Variants in C13orf46 observed in about 807,000 individuals in gnomAD.
C13orf46 encodes the protein chromosome 13 open reading frame 46.
At chr13:113,943,937 C>G in the C13orf46 span, among the ~76,000 whole-genome samples, 5 of 152,174 alleles carry the variant, frequency 3.3e-5, no homozygotes, top group Non-Finnish European at 5.9e-5. Context: ...TCATCGTGGG[C>G]AGGTTTGGTC....
At chr13:113,971,090 T>C (rs1446530420) in intron 1 of C13orf46, among the ~76,000 whole-genome samples, 1 of 152,236 alleles carries the variant, frequency 6.6e-6, no homozygotes, top group Non-Finnish European at 1.5e-5. Context: ...CAGGAGAGCC[T>C]TGGAGTGAGC....
the C13orf46 span, among the ~76,000 whole-genome samples, chr13:113,930,182 A>G: frequency 6.6e-6 from 1 of 152,316 alleles, no homozygotes; most frequent in South Asian, 2.1e-4. Flanking sequence ...CTGTGCCTGG[A>G]GAGAAGCGCC....
chr13:113,935,841 C>T, the C13orf46 span, among the ~76,000 whole-genome samples: 31 of 152,364 alleles, frequency 2.0e-4, no homozygotes, highest in East Asian at 5.0e-3. Context: ...AGCCCTGTGC[C>T]CCCAGGGGCC....
chr13:113,965,886 A>G (rs1309870919), intron 5 of C13orf46, among the ~76,000 whole-genome samples: 213 of 99,312 alleles, frequency 2.1e-3, no homozygotes, highest in Middle Eastern at 0.019. Flanking sequence ...TGATGGTGGT[A>G]ATGGTGATGG....
rs1472188072 is a variant in C13orf46, at chr13:113,963,571, G to A, written c.572+1356C>T. Among the ~76,000 whole-genome samples the A allele has an allele frequency of 5.0e-5, 6 of 120,836 alleles. No individual in the cohort carries two copies. The South Asian group carries it at 1.1e-3, about 23-fold the overall frequency. The allele number at this position is 120,836 out of a possible 152,430, so 79.3% of individuals were successfully genotyped here. A position where few individuals can be genotyped will look rare whatever the true frequency, so the allele number is the denominator to read the frequency against. ...AGCCCTCGCTCCAGTCCTCAGCCTCGCCCCTGTCCTCAGCCTCGGCCCCTG... is the reference window on the plus strand; with the variant it reads ...AGCCCTCGCTCCAGTCCTCAGCCTCACCCCTGTCCTCAGCCTCGGCCCCTG... On this transcript the variant is annotated intron_variant, in intron 6 of 6. Coordinates refer to ENST00000636427, the MANE Select transcript of C13orf46 (RefSeq NM_001365455.2).
At chr13:113,945,664 GAAA>G in the C13orf46 span, among the ~76,000 whole-genome samples, 407 of 135,092 alleles carry the variant, frequency 3.0e-3, 5 homozygotes, top group African/African-American at 0.01. Flanking sequence ...AAGAAAGAAA[GAAA>G]GAAAGGAAAG....
the C13orf46 span, among the ~76,000 whole-genome samples, chr13:113,946,904 C>T: frequency 9.9e-5 from 15 of 152,232 alleles, no homozygotes; most frequent in African/African-American, 2.9e-4. Context: ...CCCACAGCGG[C>T]GATAGGAGAG....
chr13:113,935,475 G>A, the C13orf46 span, among the ~76,000 whole-genome samples: 1 of 152,260 alleles, frequency 6.6e-6, no homozygotes, highest in Admixed American at 6.5e-5. Context: ...GCGGGGCTGA[G>A]CTGGGCTGAG....
At chr13:113,951,764 T>G (rs2052489660), downstream of C13orf46, among the ~76,000 whole-genome samples, 1 of 152,244 alleles carries the variant, frequency 6.6e-6, no homozygotes, top group South Asian at 2.1e-4. Context: ...TGGTTGCCTT[T>G]TTTGCGAAAC....
At chr13:113,932,811 A>G in the C13orf46 span, among the ~76,000 whole-genome samples, 1 of 152,100 alleles carries the variant, frequency 6.6e-6, no homozygotes, top group Non-Finnish European at 1.5e-5. Flanking sequence ...ATTTTATCTT[A>G]TCTTCTTCTT....
At chr13:113,944,454 G>A in the C13orf46 span, among the ~76,000 whole-genome samples, 7 of 152,344 alleles carry the variant, frequency 4.6e-5, no homozygotes, top group East Asian at 1.9e-4. Flanking sequence ...TCCTTACACC[G>A]CACTGACAAT....
downstream of C13orf46, among the ~76,000 whole-genome samples, chr13:113,953,163 G>C (rs924029178): frequency 6.6e-6 from 1 of 152,210 alleles, no homozygotes; most frequent in African/African-American, 2.4e-5. Flanking sequence ...CCTTGGGTGT[G>C]TGGCTGCTGA....
At chr13:113,970,439 C>T (rs2052691899) in intron 1 of C13orf46, 1 of 152,408 alleles carries the variant, frequency 6.6e-6, no homozygotes, top group Admixed American at 6.5e-5. Context: ...GAGCCTGGCT[C>T]AGCCCCAGCA....
the C13orf46 span, among the ~76,000 whole-genome samples, chr13:113,938,424 G>A: frequency 2.0e-5 from 3 of 152,298 alleles, no homozygotes; most frequent in South Asian, 2.1e-4. Flanking sequence ...CTCCAGAGAC[G>A]GCAGCAGCCT....
At chr13:113,957,044 G>T (rs1275977938) in intron 6 of C13orf46, among the ~76,000 whole-genome samples, 1 of 151,706 alleles carries the variant, frequency 6.6e-6, no homozygotes, top group Non-Finnish European at 1.5e-5. Flanking sequence ...GCACTGGGGG[G>T]TCTCCCCTGT....
At chr13:113,930,564 GT>G in the C13orf46 span, among the ~76,000 whole-genome samples, 11 of 152,184 alleles carry the variant, frequency 7.2e-5, 1 homozygote, top group Admixed American at 1.3e-4. Context: ...GTCCTGGGGG[GT>G]TGTGTTGACC....
the C13orf46 span, among the ~76,000 whole-genome samples, chr13:113,947,460 G>A: frequency 6.6e-6 from 1 of 152,164 alleles, no homozygotes; most frequent in Admixed American, 6.5e-5. Flanking sequence ...TGGCCTCCAA[G>A]TTCCAGCAGA....
At chr13:113,938,408 C>T in the C13orf46 span, among the ~76,000 whole-genome samples, 1 of 152,198 alleles carries the variant, frequency 6.6e-6, no homozygotes, top group East Asian at 1.9e-4. Context: ...GCTTTCTTTT[C>T]TCAGCCTCCA....
the C13orf46 span, chr13:113,926,806 C>T: frequency 6.6e-6 from 1 of 152,234 alleles, no homozygotes; most frequent in Non-Finnish European, 1.5e-5. Context: ...AGCGAGCCTA[C>T]CTATACATGT....
Sources: gnomAD v4.1 joint callset for allele counts (sites outside exome capture counted in the v4.1 genomes callset) on GRCh38, gnomAD v4.1.1 for gene constraint, MANE v1.5 for transcripts, NCBI Gene and HGNC (gene_info 2026-07-23, HGNC 2026-07-21) for gene names.